Variants in KHDRBS2 observed in about 807,000 individuals in gnomAD.
KHDRBS2 encodes the protein KH RNA binding domain containing, signal transduction associated 2.
Under a neutral mutation model 44.3 loss-of-function variants are expected in KHDRBS2, and 26 were observed. The observed-to-expected ratio is 0.59, with a 90% confidence interval of 0.43 to 0.81. The LOEUF (loss-of-function observed/expected upper bound fraction) is 0.81. KHDRBS2 is among the 40% of genes least tolerant of loss of function. The pLI is 0.00. For missense variants in KHDRBS2, 476 were observed against 433.1 expected (o/e 1.10, Z -0.88); for synonymous variants, 194 against 151.1 (o/e 1.28, Z -2.08).
chr6:61,824,375 TC>T (rs1206188532), intron 6 of KHDRBS2, among the ~76,000 whole-genome samples: 1 of 151,998 alleles, frequency 6.6e-6, no homozygotes, highest in Non-Finnish European at 1.5e-5. Context: ...CTTCATGCTC[TC>T]TCTCTCTCTC....
chr6:61,700,115 C>T (rs1269878213), intron 7 of KHDRBS2, among the ~76,000 whole-genome samples: 1 of 151,738 alleles, frequency 6.6e-6, no homozygotes, highest in Middle Eastern at 3.2e-3. Context: ...AGCAGTCCCA[C>T]TTATAGCAGC....
intron 3 of KHDRBS2, among the ~76,000 whole-genome samples, chr6:62,005,394 T>TA (rs1408288766): frequency 6.6e-6 from 1 of 151,952 alleles, no homozygotes; most frequent in Admixed American, 6.6e-5. Context: ...ACTCTCCAAT[T>TA]AAAAAAATTT....
the KHDRBS2 span, among the ~76,000 whole-genome samples, chr6:61,639,643 T>A: frequency 3.9e-5 from 6 of 152,096 alleles, no homozygotes; most frequent in South Asian, 1.2e-3. Flanking sequence ...GCATTTTTAT[T>A]TTTCCTTTTC....
chr6:61,684,147 G>A (rs1766584130), intron 8 of KHDRBS2, among the ~76,000 whole-genome samples: 1 of 151,842 alleles, frequency 6.6e-6, no homozygotes, highest in African/African-American at 2.4e-5. Flanking sequence ...GTTTTTCTTA[G>A]TGAAAATATG....
intron 2 of KHDRBS2, among the ~76,000 whole-genome samples, chr6:62,050,574 G>A (rs766021340): frequency 1.3e-5 from 2 of 151,560 alleles, no homozygotes; most frequent in Non-Finnish European, 2.9e-5. Flanking sequence ...GAACTCCATC[G>A]AATCAATGGT....
At chr6:61,845,306 C>CTTTTTT (rs1274921896) in intron 6 of KHDRBS2, among the ~76,000 whole-genome samples, 1 of 140,190 alleles carries the variant, frequency 7.1e-6, no homozygotes, top group Non-Finnish European at 1.5e-5. Flanking sequence ...GATACAGTTC[C>CTTTTTT]TTGTTTTTTT....
At chr6:61,695,375 T>A (rs1163322282) in intron 8 of KHDRBS2, among the ~76,000 whole-genome samples, 1 of 152,156 alleles carries the variant, frequency 6.6e-6, no homozygotes, top group African/African-American at 2.4e-5. Context: ...ACAATATAAG[T>A]GTGCATCCCA....
At chr6:61,920,888 A>G (rs1807955253) in intron 4 of KHDRBS2, among the ~76,000 whole-genome samples, 1 of 151,970 alleles carries the variant, frequency 6.6e-6, no homozygotes, top group Non-Finnish European at 1.5e-5. Flanking sequence ...AATGCTTATA[A>G]TAAATTAGGA....
chr6:62,133,315 G>C (rs1318443823), intron 2 of KHDRBS2, among the ~76,000 whole-genome samples: 10 of 152,146 alleles, frequency 6.6e-5, no homozygotes. Flanking sequence ...CTGTTCTCGT[G>C]GTAGTAAGTC....
Position 61,767,443 on chromosome 6 carries a change from A to G in KHDRBS2, c.811-34679T>C, listed in dbSNP as rs542071555. ...ACTCTATGTCTTTTGATTAGAGTTT[A>G]GTGTATTTACATTCAATATTATTAT... On this transcript the variant is annotated intron_variant, in intron 6 of 8. Transcript: ENST00000281156. Among the ~76,000 whole-genome samples the G allele has an allele frequency of 1.3e-4, 20 of 152,118 alleles. No individual in the cohort carries two copies. In the South Asian group the frequency reaches 2.7e-3, roughly 21 times the overall value.
At chr6:61,755,353 C>T (rs1400455312) in intron 6 of KHDRBS2, among the ~76,000 whole-genome samples, 2 of 152,110 alleles carry the variant, frequency 1.3e-5, no homozygotes, top group African/African-American at 4.8e-5. Context: ...TGGGGAACCA[C>T]TGCCTTAGAG....
intron 6 of KHDRBS2, among the ~76,000 whole-genome samples, chr6:61,763,919 A>G (rs559348668): frequency 2.6e-5 from 4 of 152,096 alleles, no homozygotes; most frequent in Non-Finnish European, 5.9e-5. Context: ...ACCTATCAAC[A>G]CCCATCACCT....
chr6:61,567,814 A>T, the KHDRBS2 span, among the ~76,000 whole-genome samples: 1 of 150,512 alleles, frequency 6.6e-6, no homozygotes, highest in African/African-American at 2.5e-5. Flanking sequence ...TTTTTAATCT[A>T]TGAAACCAAG....
intron 4 of KHDRBS2, among the ~76,000 whole-genome samples, chr6:61,954,552 A>G (rs114973073): frequency 0.023 from 3,289 of 144,994 alleles, 56 homozygotes; most frequent in Non-Finnish European, 0.036. Flanking sequence ...ATATATATGT[A>G]TATATACACA....
chr6:62,120,928 T>A (rs1562910322), intron 2 of KHDRBS2, among the ~76,000 whole-genome samples: 1 of 152,108 alleles, frequency 6.6e-6, no homozygotes, highest in Non-Finnish European at 1.5e-5. Flanking sequence ...AACTGTGCAA[T>A]GGGGAAAGAG....
At chr6:61,559,293 T>C in the KHDRBS2 span, among the ~76,000 whole-genome samples, 1 of 151,938 alleles carries the variant, frequency 6.6e-6, no homozygotes, top group Non-Finnish European at 1.5e-5. Flanking sequence ...TTCTTACCAG[T>C]GTATGCATAT....
At chr6:62,094,714 T>C (rs1326726790) in intron 2 of KHDRBS2, among the ~76,000 whole-genome samples, 1 of 151,974 alleles carries the variant, frequency 6.6e-6, no homozygotes. Context: ...AAGTCTTTAA[T>C]CCATTCAGAG....
intron 6 of KHDRBS2, among the ~76,000 whole-genome samples, chr6:61,859,931 A>T (rs1346126707): frequency 6.6e-6 from 1 of 151,976 alleles, no homozygotes; most frequent in Non-Finnish European, 1.5e-5. Context: ...GATTTGAGAG[A>T]TTATACAGAA....
intron 6 of KHDRBS2, among the ~76,000 whole-genome samples, chr6:61,817,760 T>G (rs1452699083): frequency 6.6e-6 from 1 of 151,748 alleles, no homozygotes; most frequent in African/African-American, 2.4e-5. Context: ...AAGTCATTGG[T>G]GCATAATAAG....
Sources: gnomAD v4.1 joint callset for allele counts (sites outside exome capture counted in the v4.1 genomes callset) on GRCh38, gnomAD v4.1.1 for gene constraint, MANE v1.5 for transcripts, NCBI Gene and HGNC (gene_info 2026-07-23, HGNC 2026-07-21) for gene names.